Variants in LIN9 observed in about 807,000 individuals in gnomAD.
The protein encoded by LIN9 is protein lin-9 homolog.
A neutral mutation model predicts 78.0 loss-of-function variants in LIN9; 18 were observed. That is an observed-to-expected ratio of 0.23 (90% CI 0.16 to 0.34). The LOEUF is 0.34. Among genes scored for constraint, LIN9 ranks in the 10% least tolerant of loss-of-function variants. The pLI is 1.00. For missense variants in LIN9, 451 were observed against 644.1 expected, an observed-to-expected ratio of 0.70 and a Z score of 3.25; for synonymous variants, 192 against 215.2, an observed-to-expected ratio of 0.89 and a Z score of 0.94.
intron 1 of LIN9, among the ~76,000 whole-genome samples, chr1:226,307,122 A>C (rs1284739535): frequency 6.6e-6 from 1 of 152,250 alleles, no homozygotes; most frequent in Non-Finnish European, 1.5e-5. Context: ...GGATGATATG[A>C]AGCAAATATT....
At chr1:226,273,492 G>A (rs2102932229) in intron 7 of LIN9, among the ~76,000 whole-genome samples, 1 of 151,958 alleles carries the variant, frequency 6.6e-6, no homozygotes, top group South Asian at 2.1e-4. Context: ...TGAGTGGCTT[G>A]CCTCAGCCTC....
intron 10 of LIN9, among the ~76,000 whole-genome samples, chr1:226,253,013 A>G (rs1459772158): frequency 6.6e-6 from 1 of 152,060 alleles, no homozygotes; most frequent in Non-Finnish European, 1.5e-5. Context: ...CTATAATCCC[A>G]GGACTTTGGG....
At chr1:226,237,600 C>A (rs1007223442) in intron 12 of LIN9, among the ~76,000 whole-genome samples, 11 of 146,684 alleles carry the variant, frequency 7.5e-5, no homozygotes, top group Non-Finnish European at 1.3e-4. Context: ...CCACTGCACT[C>A]CAGCCTGGGC....
At chr1:226,309,565 AG>A (rs1354804571), upstream of LIN9, 1 of 1,182,254 alleles carries the variant, frequency 8.5e-7, no homozygotes, top group South Asian at 1.6e-5. Context: ...GCGGGGGGAA[AG>A]AAGCCCTCGG....
upstream of LIN9, chr1:226,309,760 TC>T (rs1374001287): frequency 7.8e-7 from 1 of 1,287,412 alleles, no homozygotes; most frequent in East Asian, 5.6e-5. Context: ...GGCACGCCTT[TC>T]CCGAATGTTG....
chr1:226,301,695 A>G lies in LIN9; in HGVS notation c.32-490T>C, dbSNP rs77815016. On this transcript the variant is annotated intron_variant, in intron 1 of 14. Transcript: ENST00000681046. ...AGGTATATGTGATACTTCAAGATCT[A>G]AGCTGGAAAAGGGAATACAGAATGG... Among the ~76,000 whole-genome samples the G allele has an allele frequency of 1.9e-3, 288 of 152,344 alleles. 1 individual carries two copies. The highest frequency in any genetic ancestry group is 6.4e-3 in the African/African-American group (268 of 41,572).
chr1:226,279,097 C>T (rs1183435540), intron 6 of LIN9, among the ~76,000 whole-genome samples: 2 of 150,324 alleles, frequency 1.3e-5, no homozygotes, highest in Admixed American at 1.3e-4. Flanking sequence ...GGAGGCTGAG[C>T]TTGCAGTGAG....
chr1:226,287,579 T>C (rs1661449194), intron 5 of LIN9, 85 bp downstream of exon 5: 1 of 854,900 alleles, frequency 1.2e-6, no homozygotes, highest in Non-Finnish European at 1.8e-6. Context: ...AAAGTAGACC[T>C]ATAGAAAATG....
At chr1:226,241,344 C>T (rs185692244) in intron 11 of LIN9, among the ~76,000 whole-genome samples, 1 of 152,212 alleles carries the variant, frequency 6.6e-6, no homozygotes, top group East Asian at 1.9e-4. Flanking sequence ...GATCAAGCCT[C>T]TTCTCGGGGA....
intron 7 of LIN9, among the ~76,000 whole-genome samples, chr1:226,272,791 G>A (rs1486499245): frequency 6.6e-6 from 1 of 152,044 alleles, no homozygotes; most frequent in Admixed American, 6.6e-5. Flanking sequence ...TCATGTGCCT[G>A]CCTTTTTGAC....
rs1473435197 is a variant in LIN9, at chr1:226,265,174, A to C, written c.1038+359T>G. Reference sequence around the variant, plus strand: ...CCATATAAGCTAGCCAGGACATCATAACTGTTGAACTGACTGATGATGGCA... The same window carrying C: ...CCATATAAGCTAGCCAGGACATCATCACTGTTGAACTGACTGATGATGGCA... On this transcript the variant is annotated intron_variant, in intron 10 of 14. Transcript: ENST00000681046. The surrounding 1 kb of genome is among the most constrained non-coding windows in gnomAD (Gnocchi z 4.1). Among the ~76,000 whole-genome samples, 1 of 152,238 alleles carries C rather than the reference A, an allele frequency of 6.6e-6. No individual in the cohort carries two copies. The highest frequency in any genetic ancestry group is 2.4e-5 in the African/African-American group (1 of 41,464).
intron 8 of LIN9, 86 bp from the exon 9 acceptor site, chr1:226,266,418 A>G (rs998728279): frequency 1.2e-5 from 12 of 1,000,332 alleles, no homozygotes; most frequent in Non-Finnish European, 1.4e-5. Flanking sequence ...CTTGAGATAT[A>G]TATTCACGCA....
At chr1:226,248,891 C>T (rs1658652324) in intron 11 of LIN9, among the ~76,000 whole-genome samples, 1 of 152,100 alleles carries the variant, frequency 6.6e-6, no homozygotes, top group African/African-American at 2.4e-5. Context: ...TAAAACATAT[C>T]AAGCCAACTA....
chr1:226,252,918 G>C (rs1658930757), intron 10 of LIN9, among the ~76,000 whole-genome samples: 1 of 151,990 alleles, frequency 6.6e-6, no homozygotes, highest in Non-Finnish European at 1.5e-5. Flanking sequence ...AGTGAGCAAA[G>C]TGGCGCCACT....
At chr1:226,304,347 A>AC (rs905972451) in intron 1 of LIN9, among the ~76,000 whole-genome samples, 1 of 152,184 alleles carries the variant, frequency 6.6e-6, no homozygotes, top group Non-Finnish European at 1.5e-5. Context: ...AAAAGTCAGC[A>AC]CATGACCCAT....
chr1:226,297,888 C>A lies in LIN9; in HGVS notation c.65-75G>T, dbSNP rs1662255351. ...TTCATACCATGAATACTGTTTTTTT[C>A]ATAACAGCCATATATCTAAAATATT... is the stretch of plus-strand genomic sequence containing the variant. On this transcript the variant is annotated intron_variant, in intron 2 of 14. Coordinates refer to ENST00000681046, the MANE Select transcript of LIN9 (RefSeq NM_001366245.2). 1.0e-5 allele frequency: 6 copies of A among 592,294 alleles called. No homozygotes were observed. The South Asian group carries it at 1.6e-4, about 16-fold the overall frequency. 36.7% of individuals were successfully genotyped at this position (592,294 alleles called of 1,614,324 possible).
intron 6 of LIN9, among the ~76,000 whole-genome samples, chr1:226,279,141 AC>A (rs1441326223): frequency 6.6e-6 from 1 of 151,856 alleles, no homozygotes; most frequent in African/African-American, 2.4e-5. Flanking sequence ...AGCCTGGGCA[AC>A]AGAGCGAGAC....
chr1:226,297,842 T>C (rs769275475), intron 2 of LIN9, 29 bp from the exon 3 acceptor site: 49 of 1,385,228 alleles, frequency 3.5e-5, no homozygotes, highest in Non-Finnish European at 4.5e-5. Context: ...ACTAATGGAA[T>C]TTTGGCTTAG....
At chr1:226,305,846 A>G (rs1662879145) in intron 1 of LIN9, among the ~76,000 whole-genome samples, 1 of 152,156 alleles carries the variant, frequency 6.6e-6, no homozygotes, top group Non-Finnish European at 1.5e-5. Flanking sequence ...TTCGTTTTGA[A>G]AGGATCCCTC....
Sources: allele counts gnomAD v4.1 joint callset (sites outside exome capture counted in the v4.1 genomes callset), GRCh38; gene constraint gnomAD v4.1.1; non-coding constraint Gnocchi (gnomAD v3.1); transcripts MANE v1.5; gene names NCBI Gene and HGNC (gene_info 2026-07-23, HGNC 2026-07-21).